Variants in TMEM217B observed in about 807,000 individuals in gnomAD.
The protein encoded by TMEM217B is transmembrane protein 217B.
chr6:37,251,432 T>C, the TMEM217B span, among the ~76,000 whole-genome samples: 1 of 152,162 alleles, frequency 6.6e-6, no homozygotes, highest in Non-Finnish European at 1.5e-5. Flanking sequence ...GAATGAGCAA[T>C]GCTCAAAATA....
At chr6:37,218,027 T>C in the TMEM217B span, 1 of 993,504 alleles carries the variant, frequency 1.0e-6, no homozygotes, top group Non-Finnish European at 1.2e-6. Context: ...AGAGTGGCAG[T>C]AGGGTCTCTA....
chr6:37,257,647 T>C, the TMEM217B span: 1 of 475,578 alleles, frequency 2.1e-6, no homozygotes, highest in Non-Finnish European at 3.8e-6. Context: ...CGTCCACCTG[T>C]GTGCCCAGCC....
the TMEM217B span, chr6:37,218,319 C>A: frequency 2.6e-6 from 3 of 1,153,090 alleles, no homozygotes; most frequent in Non-Finnish European, 3.6e-6. Context: ...CAGGTGTGTG[C>A]CGCCACGCCT....
At chr6:37,229,340 T>TTTTTTG in the TMEM217B span, among the ~76,000 whole-genome samples, 4 of 123,060 alleles carry the variant, frequency 3.3e-5, no homozygotes, top group South Asian at 2.9e-4. Context: ...TTTCAGTTTT[T>TTTTTTG]TTTTTTTTTT....
chr6:37,246,888 G>C, the TMEM217B span, among the ~76,000 whole-genome samples: 1 of 133,386 alleles, frequency 7.5e-6, no homozygotes, highest in African/African-American at 2.8e-5. Context: ...GGGCAACAGA[G>C]CAAGACTCTG....
the TMEM217B span, among the ~76,000 whole-genome samples, chr6:37,214,151 A>G: frequency 6.6e-6 from 1 of 152,202 alleles, no homozygotes; most frequent in African/African-American, 2.4e-5. Flanking sequence ...CCCTTTTTGA[A>G]TGTGCAATTC....
At chr6:37,229,335 G>GT in the TMEM217B span, among the ~76,000 whole-genome samples, 326 of 74,340 alleles carry the variant, frequency 4.4e-3, 54 homozygotes, top group East Asian at 0.02. Flanking sequence ...GCAACTTTCA[G>GT]TTTTTTTTTT....
the TMEM217B span, among the ~76,000 whole-genome samples, chr6:37,252,601 GTGTGTGTA>G: frequency 0.48 from 35,657 of 74,790 alleles, 8,785 homozygotes; most frequent in East Asian, 0.59. Flanking sequence ...GTGTGTGTGT[GTGTGTGTA>G]TGTGTGTGTA....
chr6:37,231,200 C>T, the TMEM217B span, among the ~76,000 whole-genome samples: 2 of 149,356 alleles, frequency 1.3e-5, no homozygotes, highest in East Asian at 2.0e-4. Flanking sequence ...GCTGGGATTA[C>T]AGGTGCAAGC....
At chr6:37,230,985 G>C in the TMEM217B span, among the ~76,000 whole-genome samples, 1 of 152,064 alleles carries the variant, frequency 6.6e-6, no homozygotes, top group Non-Finnish European at 1.5e-5. Flanking sequence ...GTTAGGCTAT[G>C]GGATTAAACC....
chr6:37,228,446 G>C, the TMEM217B span, among the ~76,000 whole-genome samples: 12,243 of 152,258 alleles, frequency 0.08, 800 homozygotes, highest in African/African-American at 0.16. Flanking sequence ...GCTCACGCTT[G>C]TAATCTCAGC....
At chr6:37,225,009 T>TA in the TMEM217B span, among the ~76,000 whole-genome samples, 737 of 132,264 alleles carry the variant, frequency 5.6e-3, 2 homozygotes, top group African/African-American at 0.017. Flanking sequence ...CCCATCTCTA[T>TA]AAAAAAAAAA....
At chr6:37,229,225 T>G in the TMEM217B span, among the ~76,000 whole-genome samples, 1 of 151,638 alleles carries the variant, frequency 6.6e-6, no homozygotes, top group Admixed American at 6.6e-5. Context: ...TACTAACAAC[T>G]ATTCAGCATT....
At chr6:37,252,633 ATATATT>A in the TMEM217B span, among the ~76,000 whole-genome samples, 7,091 of 73,728 alleles carry the variant, frequency 0.096, 112 homozygotes, top group East Asian at 0.2. Context: ...ATATATATAT[ATATATT>A]TTTTTTTTTT....
At chr6:37,241,889 C>T in the TMEM217B span, among the ~76,000 whole-genome samples, 18 of 152,208 alleles carry the variant, frequency 1.2e-4, no homozygotes, top group South Asian at 3.7e-3. Context: ...TGTAAATTTG[C>T]ACTGTAACTA....
At chr6:37,236,662 A>AT in the TMEM217B span, among the ~76,000 whole-genome samples, 124,177 of 149,806 alleles carry the variant, frequency 0.83, 51,816 homozygotes, top group South Asian at 0.9. Flanking sequence ...TGCCAGTACT[A>AT]TTTTTTTTTT....
At chr6:37,232,666 A>G in the TMEM217B span, among the ~76,000 whole-genome samples, 33 of 152,272 alleles carry the variant, frequency 2.2e-4, no homozygotes, top group East Asian at 6.2e-3. Flanking sequence ...CCATTTCCAC[A>G]TATACACTCC....
chr6:37,224,773 A>G, the TMEM217B span, among the ~76,000 whole-genome samples: 1 of 152,102 alleles, frequency 6.6e-6, no homozygotes, highest in Admixed American at 6.6e-5. Flanking sequence ...ATATTTTTCA[A>G]GATTGAGAGC....
chr6:37,246,289 T>C, the TMEM217B span, among the ~76,000 whole-genome samples: 3 of 151,578 alleles, frequency 2.0e-5, no homozygotes, highest in Admixed American at 1.3e-4. Flanking sequence ...GAAGGTTGCC[T>C]GGAGTGGGTT....
Sources: allele counts gnomAD v4.1 joint callset (sites outside exome capture counted in the v4.1 genomes callset), GRCh38; gene constraint gnomAD v4.1.1; transcripts MANE v1.5; gene names NCBI Gene and HGNC (gene_info 2026-07-23, HGNC 2026-07-21).